The following RERGL variants were observed in gnomAD, a reference collection of about 807,000 sequenced individuals.
RERGL encodes the protein ras-related and estrogen-regulated growth inhibitor-like protein.
In RERGL, 22 loss-of-function variants were observed where a neutral mutation model predicts 24.7. That is an observed-to-expected ratio of 0.89 (90% confidence interval 0.64 to 1.27). The LOEUF is 1.27. Among genes scored for constraint, RERGL ranks in the 50% most tolerant of loss-of-function variants. The pLI is 0.00. For missense variants in RERGL, 259 were observed against 235.3 expected (o/e 1.10, Z -0.66); for synonymous variants, 76 against 82.6 (o/e 0.92, Z 0.43).
At chr12:18,081,981 G>A (rs1272012785) in intron 4 of RERGL, among the ~76,000 whole-genome samples, 2 of 151,720 alleles carry the variant, frequency 1.3e-5, no homozygotes, top group Non-Finnish European at 2.9e-5. Flanking sequence ...TCTACTAAAA[G>A]TACAAAAAAT....
At chr12:18,084,875 ATATC>A (rs1353798636) in intron 3 of RERGL, among the ~76,000 whole-genome samples, 5 of 152,232 alleles carry the variant, frequency 3.3e-5, no homozygotes, top group African/African-American at 1.2e-4. Flanking sequence ...TAATAAAGTT[ATATC>A]TATCTAATTT....
chr12:18,085,510 C>T, intron 3 of RERGL, 110 bp downstream of exon 3: 1 of 705,164 alleles, frequency 1.4e-6, no homozygotes, highest in Non-Finnish European at 2.3e-6. Flanking sequence ...TCGGTTTTAA[C>T]ACCGCAACTT....
chr12:18,087,019 T>C (rs1947227785), intron 2 of RERGL, among the ~76,000 whole-genome samples: 1 of 152,250 alleles, frequency 6.6e-6, no homozygotes, highest in African/African-American at 2.4e-5. Flanking sequence ...ACATATTTAT[T>C]CTAAAATTCC....
At chr12:18,081,848 A>T (rs1367808440) in intron 4 of RERGL, among the ~76,000 whole-genome samples, 1 of 152,212 alleles carries the variant, frequency 6.6e-6, no homozygotes, top group African/African-American at 2.4e-5. Context: ...GCCATAAAAA[A>T]GAATGAGAGT....
At position 18,089,300 on chromosome 12, in the gene RERGL, T is replaced by C. The variant is rs1192886706; in HGVS notation, c.53-344A>G. 2.5e-6 allele frequency: 4 copies of C among 1,591,402 alleles called. No homozygotes were observed. In the East Asian group the frequency reaches 9.0e-5, roughly 36 times the overall value. On this transcript the variant is annotated intron_variant, in intron 1 of 4. Coordinates refer to ENST00000538724, the MANE Select transcript of RERGL (RefSeq NM_001286201.2). ...GTTTGACATCTGTTTATTTTCTCTG[T>C]CAAACTCAGTCTGGCTTCAAGGTAC...
intron 1 of RERGL, chr12:18,089,351 A>C: frequency 1.4e-6 from 2 of 1,465,328 alleles, no homozygotes; most frequent in Non-Finnish European, 1.8e-6. Context: ...CAAAGACACT[A>C]CCAAGTATTT....
rs1947243861 is a variant in RERGL at position 18,088,893 on chromosome 12, G to A, written c.109+7C>T. On this transcript the variant is annotated splice_region_variant and intron_variant, in intron 2 of 4. Coordinates refer to ENST00000538724, the MANE Select transcript of RERGL (RefSeq NM_001286201.2). ...TTAAGGTAAAAATGTCTAGAGTAGT[G>A]ACTTACCAAAATTAGAAGCATATTC... 1.3e-6 allele frequency: 2 copies of A among 1,577,548 alleles called. No individual in the cohort carries two copies. Among genetic ancestry groups the A allele is most frequent in the Non-Finnish European group, 1.7e-6 (2 of 1,147,080 alleles).
intron 1 of RERGL, chr12:18,089,514 A>C (rs1175803894): frequency 2.0e-6 from 1 of 497,892 alleles, no homozygotes; most frequent in African/African-American, 2.0e-5. Flanking sequence ...TGTCACCATT[A>C]TAATGTGACC....
At chr12:18,085,928 G>A (rs1039994066) in intron 2 of RERGL, among the ~76,000 whole-genome samples, 2 of 148,258 alleles carry the variant, frequency 1.3e-5, no homozygotes, top group African/African-American at 5.1e-5. Context: ...CGCGATCTCG[G>A]CTCACCGCAA....
Position 18,089,130 on chromosome 12 carries a change from C to G in RERGL, c.53-174G>C, listed in dbSNP as rs1054385958. On this transcript the variant is annotated intron_variant, in intron 1 of 4. Coordinates refer to ENST00000538724, the MANE Select transcript of RERGL (RefSeq NM_001286201.2). The stretch of plus-strand genomic sequence containing the variant: ...GTTAACAATATTTCCATGGTACAAA[C>G]AAATGATTAGAAAGTTAGAAAGGAA... 6.7e-6 allele frequency: 8 copies of G among 1,195,850 alleles called. No homozygotes were observed. In the East Asian group the frequency reaches 1.4e-4, roughly 22 times the overall value. The allele number at this position is 1,195,850 out of a possible 1,614,324, so 74.1% of individuals were successfully genotyped here. A position where few individuals can be genotyped will look rare whatever the true frequency, so the allele number is the denominator to read the frequency against.
Position 18,090,192 on chromosome 12 carries a change from G to T in RERGL, c.-52C>A. 1 of 1,425,070 alleles carries T rather than the reference G, an allele frequency of 7.0e-7. No homozygotes were observed. Among genetic ancestry groups the T allele is most frequent in the Non-Finnish European group, 9.3e-7 (1 of 1,079,536 alleles). 88.3% of individuals were successfully genotyped at this position (1,425,070 alleles called of 1,614,324 possible). Reference sequence around the variant, plus strand: ...CTATTTTCTGGAACTACACTGCCCTGTGACAAGCTTTTTTTTAACTTCCTT... The same window carrying T: ...CTATTTTCTGGAACTACACTGCCCTTTGACAAGCTTTTTTTTAACTTCCTT... On this transcript the variant is annotated 5_prime_UTR_variant, in exon 1 of 5. Transcript: ENST00000538724.
chr12:18,086,111 AAT>A (rs1947219866), intron 2 of RERGL, among the ~76,000 whole-genome samples: 1 of 147,924 alleles, frequency 6.8e-6, no homozygotes. Context: ...CTGACCTCGT[AAT>A]CCACCTGCCT....
At position 18,090,125 on chromosome 12, in the gene RERGL, G is replaced by A; in HGVS notation, c.16C>T (p.Leu6Phe). 2 of 1,532,770 alleles carry A rather than the reference G, an allele frequency of 1.3e-6. No homozygotes were observed. The highest frequency in any genetic ancestry group is 1.2e-5 in the South Asian group (1 of 83,628). The allele number at this position is 1,532,770 out of a possible 1,614,324, so 94.9% of individuals were successfully genotyped here. Residue 6 changes from leucine (L) to phenylalanine (F), a missense_variant, in exon 1 of 5, where the codon CTT (leucine) becomes TTT (phenylalanine). Transcript: ENST00000538724. MNDVK[L>F]AVLGGEGTGK... ...GTTCCTTCACCACCCAAGACAGCAAGCTTCACATCATTCATCTTGCTTTTC... is the reference window on the plus strand; with the variant it reads ...GTTCCTTCACCACCCAAGACAGCAAACTTCACATCATTCATCTTGCTTTTC...
chr12:18,081,590 T>G (rs12823067), intron 4 of RERGL, 117 bp from the exon 5 acceptor site: 3 of 946,128 alleles, frequency 3.2e-6, no homozygotes, highest in Non-Finnish European at 4.6e-6. Context: ...AAAAATATTG[T>G]GTGTATGTTA....
chr12:18,081,108 A>C lies in RERGL; in HGVS notation c.*83T>G, dbSNP rs1947165703. 1 of 1,278,182 alleles carries C rather than the reference A, an allele frequency of 7.8e-7. No individual in the cohort carries two copies. The allele number at this position is 1,278,182 out of a possible 1,614,324, so 79.2% of individuals were successfully genotyped here. ...AAGAGAATTCTTTTTACCAAAAAAA[A>C]ATTGCATACAAAGGTTAGTTTAATT... On this transcript the variant is annotated 3_prime_UTR_variant, in exon 5 of 5. Transcript: ENST00000538724.
intron 3 of RERGL, 48 bp downstream of exon 3, chr12:18,085,572 A>T: frequency 7.9e-7 from 1 of 1,259,274 alleles, no homozygotes; most frequent in Admixed American, 2.0e-5. Context: ...ATTGCTAAAA[A>T]ATCAATCAAT....
chr12:18,085,607 T>C lies in RERGL; in HGVS notation c.183+13A>G. ...TAAATAAATCAATAAAAAAGGTGTT[T>C]TGTTTTACTTACTTGAGAACAAGGG... On this transcript the variant is annotated intron_variant, in intron 3 of 4. Coordinates refer to ENST00000538724, the MANE Select transcript of RERGL (RefSeq NM_001286201.2). The C allele has an allele frequency of 6.8e-7, 1 of 1,477,250 alleles. No individual in the cohort carries two copies. Among genetic ancestry groups the C allele is most frequent in the Non-Finnish European group, 9.3e-7 (1 of 1,070,958 alleles). The allele number at this position is 1,477,250 out of a possible 1,614,324, so 91.5% of individuals were successfully genotyped here. A position where few individuals can be genotyped will look rare whatever the true frequency, so the allele number is the denominator to read the frequency against.
At chr12:18,081,534 A>C (rs1313732287) in intron 4 of RERGL, 61 bp from the exon 5 acceptor site, 6 of 1,383,052 alleles carry the variant, frequency 4.3e-6, no homozygotes, top group South Asian at 1.5e-5. Flanking sequence ...TTTTAAAAAA[A>C]AAAAAAAAAC....
intron 2 of RERGL, among the ~76,000 whole-genome samples, chr12:18,087,348 T>G: frequency 6.6e-6 from 1 of 152,332 alleles, no homozygotes; most frequent in East Asian, 1.9e-4. Context: ...TTACAGTTTC[T>G]TGAAACCTTA....
Sources: gnomAD v4.1 joint callset for allele counts (sites outside exome capture counted in the v4.1 genomes callset) on GRCh38, gnomAD v4.1.1 for gene constraint, MANE v1.5 for transcripts, NCBI Gene and HGNC (gene_info 2026-07-23, HGNC 2026-07-21) for gene names.